Variants in STXBP5L observed in about 807,000 individuals in gnomAD.
STXBP5L encodes the protein syntaxin-binding protein 5-like.
Under a neutral mutation model 144.5 loss-of-function variants are expected in STXBP5L, and 65 were observed. The ratio of observed to expected loss-of-function variants is 0.45; its 90% confidence interval spans 0.37 to 0.55. The LOEUF is 0.55. Among genes scored for constraint, STXBP5L ranks in the 20% least tolerant of loss-of-function variants. The pLI is 0.00. For missense variants in STXBP5L, 1,298 were observed against 1,405.5 expected (o/e 0.92, Z 1.22); for synonymous variants, 505 against 469.6 (o/e 1.08, Z -0.97).
intron 20 of STXBP5L, among the ~76,000 whole-genome samples, chr3:121,354,068 C>G (rs528040292): frequency 6.6e-6 from 1 of 152,274 alleles, no homozygotes; most frequent in African/African-American, 2.4e-5. Flanking sequence ...GATTTCTGTT[C>G]TTTTACTTTA....
intron 5 of STXBP5L, among the ~76,000 whole-genome samples, chr3:121,077,028 AG>A (rs1335916121): frequency 6.6e-6 from 1 of 152,180 alleles, no homozygotes; most frequent in African/African-American, 2.4e-5. Context: ...GTCCATGATA[AG>A]AGGTCTGTGC....
intron 14 of STXBP5L, among the ~76,000 whole-genome samples, chr3:121,242,407 G>C (rs1046736072): frequency 6.6e-6 from 1 of 152,084 alleles, no homozygotes; most frequent in African/African-American, 2.4e-5. Context: ...GATGTAAATA[G>C]AGTTAAGGCT....
At position 121,312,968 on chromosome 3, in the gene STXBP5L, C is replaced by A. The variant is rs554510252; in HGVS notation, c.2111-5507C>A. On this transcript the variant is annotated intron_variant, in intron 19 of 26. Transcript: ENST00000471454. ...GTCATCATGGCCCATCACCAATGAG[C>A]CGCTGGGCACACCTCCCAGACGGGG... Among the ~76,000 whole-genome samples the A allele has an allele frequency of 2.9e-3, 435 of 152,318 alleles. 1 individual carries two copies. The highest frequency in any genetic ancestry group is 4.3e-3 in the Non-Finnish European group (292 of 68,030).
intron 5 of STXBP5L, among the ~76,000 whole-genome samples, chr3:121,093,837 T>C (rs1341790104): frequency 6.6e-6 from 1 of 152,218 alleles, no homozygotes; most frequent in African/African-American, 2.4e-5. Context: ...TTGCTCTTTC[T>C]TTTCTAGTTC....
At position 121,254,363 on chromosome 3, in the gene STXBP5L, T is replaced by C. The variant is rs530711937; in HGVS notation, c.1442-532T>C. ...CACTCAGAAAAGATCCCTTCTCAAA[T>C]AGTTACAGATTCTTGGACTCCCAAT... On this transcript the variant is annotated intron_variant, in intron 15 of 26. Coordinates refer to ENST00000471454, the MANE Select transcript of STXBP5L (RefSeq NM_001308330.2). Among the ~76,000 whole-genome samples the C allele has an allele frequency of 3.3e-5, 5 of 152,314 alleles. 1 individual carries two copies. The South Asian group carries it at 1.0e-3, about 32-fold the overall frequency.
intron 20 of STXBP5L, among the ~76,000 whole-genome samples, chr3:121,319,633 G>A (rs2043903153): frequency 6.6e-6 from 1 of 151,858 alleles, no homozygotes; most frequent in Non-Finnish European, 1.5e-5. Flanking sequence ...TCATACCTAT[G>A]GTATCATACA....
At chr3:121,024,106 A>T (rs546388724) in intron 3 of STXBP5L, among the ~76,000 whole-genome samples, 17 of 152,314 alleles carry the variant, frequency 1.1e-4, no homozygotes, top group African/African-American at 4.1e-4. Context: ...TTGCCCTGCG[A>T]AAGACACTCT....
intron 2 of STXBP5L, among the ~76,000 whole-genome samples, chr3:120,929,351 A>G (rs968414049): frequency 2.0e-5 from 3 of 152,116 alleles, no homozygotes; most frequent in African/African-American, 4.8e-5. Context: ...GTAATTGTAT[A>G]TTATATTGTA....
At chr3:120,967,255 G>C (rs953918745) in intron 3 of STXBP5L, among the ~76,000 whole-genome samples, 1 of 152,140 alleles carries the variant, frequency 6.6e-6, no homozygotes, top group Admixed American at 6.5e-5. Flanking sequence ...TGCACTTCCT[G>C]GGTGAGACAA....
chr3:121,371,718 G>A (rs1402641778), intron 20 of STXBP5L, among the ~76,000 whole-genome samples: 3 of 152,172 alleles, frequency 2.0e-5, no homozygotes, highest in African/African-American at 7.2e-5. Flanking sequence ...TGGGTGCTGT[G>A]TGTGCCCTCT....
chr3:120,978,469 A>T (rs1941351285), intron 3 of STXBP5L, among the ~76,000 whole-genome samples: 1 of 151,990 alleles, frequency 6.6e-6, no homozygotes, highest in African/African-American at 2.4e-5. Context: ...AAGGTTTTTA[A>T]CTTCTTTGCC....
chr3:121,361,162 A>G (rs1179006776), intron 20 of STXBP5L, among the ~76,000 whole-genome samples: 4 of 152,144 alleles, frequency 2.6e-5, no homozygotes, highest in Admixed American at 6.6e-5. Context: ...GCTGCCCAGC[A>G]TTTGAAGTTC....
At chr3:121,044,451 A>G (rs1464675549) in intron 4 of STXBP5L, among the ~76,000 whole-genome samples, 1 of 152,170 alleles carries the variant, frequency 6.6e-6, no homozygotes, top group African/African-American at 2.4e-5. Flanking sequence ...TCTAAATGGG[A>G]TATCTGTGAT....
chr3:120,986,757 A>G (rs905682015), intron 3 of STXBP5L, among the ~76,000 whole-genome samples: 1 of 151,982 alleles, frequency 6.6e-6, no homozygotes, highest in Non-Finnish European at 1.5e-5. Flanking sequence ...AAGAAATAGC[A>G]AACAAAAAAA....
chr3:121,063,021 C>T (rs2041360427), intron 5 of STXBP5L, among the ~76,000 whole-genome samples: 1 of 152,154 alleles, frequency 6.6e-6, no homozygotes, highest in Admixed American at 6.5e-5. Context: ...ATTCATCAAA[C>T]TCATTCTCCA....
At chr3:121,189,604 A>G (rs1163587988) in intron 9 of STXBP5L, among the ~76,000 whole-genome samples, 1 of 152,196 alleles carries the variant, frequency 6.6e-6, no homozygotes, top group East Asian at 1.9e-4. Context: ...AACCAGTACC[A>G]TGCTGTTTTG....
At chr3:121,206,320 G>A (rs1021248650) in intron 10 of STXBP5L, among the ~76,000 whole-genome samples, 19 of 152,092 alleles carry the variant, frequency 1.2e-4, no homozygotes, top group African/African-American at 3.1e-4. Flanking sequence ...CAATGTGCCC[G>A]TTAATATTGC....
intron 3 of STXBP5L, among the ~76,000 whole-genome samples, chr3:120,980,589 A>G (rs1010934589): frequency 6.6e-6 from 1 of 151,920 alleles, no homozygotes; most frequent in Admixed American, 6.6e-5. Flanking sequence ...GAGTCTTTAA[A>G]TATCTTTATG....
intron 5 of STXBP5L, among the ~76,000 whole-genome samples, chr3:121,053,733 C>T (rs1576794592): frequency 6.6e-6 from 1 of 152,148 alleles, no homozygotes; most frequent in South Asian, 2.1e-4. Context: ...CCAAAATTGA[C>T]AAATGGCATC....
Sources: gnomAD v4.1 joint callset for allele counts (sites outside exome capture counted in the v4.1 genomes callset) on GRCh38, gnomAD v4.1.1 for gene constraint, MANE v1.5 for transcripts, NCBI Gene and HGNC (gene_info 2026-07-23, HGNC 2026-07-21) for gene names.